B4GALT6: variants seen among roughly 807,000 people sequenced by gnomAD.
The protein encoded by B4GALT6 is UDP-Gal:beta-GlcNAc beta-1,4-galactosyltransferase 6.
A neutral mutation model predicts 46.3 loss-of-function variants in B4GALT6; 14 were observed. That is an observed-to-expected ratio of 0.30 (90% CI 0.20 to 0.47). The LOEUF (loss-of-function observed/expected upper bound fraction) is 0.47, where lower values mean the gene tolerates loss of function less well. B4GALT6 is among the 20% of genes least tolerant of loss of function. The probability of loss-of-function intolerance (pLI) is 0.99; values close to 1 mark genes in which losing one functional copy is unlikely to be tolerated. For synonymous variants in B4GALT6, 168 were observed against 162.0 expected (o/e 1.04, Z -0.28); for missense variants, 386 against 480.1 (o/e 0.80, Z 1.83).
chr18:31,706,601 T>G, the B4GALT6 span, among the ~76,000 whole-genome samples: 1 of 151,826 alleles, frequency 6.6e-6, no homozygotes, highest in South Asian at 2.1e-4. Context: ...ACTGCACTCC[T>G]CCAGCCTGGG....
chr18:31,701,305 T>C, the B4GALT6 span, among the ~76,000 whole-genome samples: 1 of 152,210 alleles, frequency 6.6e-6, no homozygotes, highest in Non-Finnish European at 1.5e-5. Context: ...TTGCTCCTGC[T>C]CTGGCCATGT....
At chr18:31,653,435 CTTTTTTTTTTTTT>C (rs5823819) in intron 3 of B4GALT6, among the ~76,000 whole-genome samples, 36 of 74,168 alleles carry the variant, frequency 4.9e-4, no homozygotes, top group African/African-American at 1.8e-3. Context: ...AACCTTTTTT[CTTTTTTTTTTTTT>C]TTTTTTTTTT....
the B4GALT6 span, among the ~76,000 whole-genome samples, chr18:31,694,772 T>A: frequency 6.6e-6 from 1 of 152,184 alleles, no homozygotes; most frequent in Admixed American, 6.5e-5. Flanking sequence ...AATATCACTT[T>A]ACCAACATGA....
At chr18:31,717,407 AT>A in the B4GALT6 span, among the ~76,000 whole-genome samples, 1 of 152,210 alleles carries the variant, frequency 6.6e-6, no homozygotes, top group Non-Finnish European at 1.5e-5. Flanking sequence ...GCAAATGTCT[AT>A]ATTTTGATTT....
intron 3 of B4GALT6, among the ~76,000 whole-genome samples, chr18:31,647,590 G>A (rs1424654009): frequency 1.3e-5 from 2 of 152,178 alleles, no homozygotes; most frequent in African/African-American, 4.8e-5. Flanking sequence ...CTGGTGGCAT[G>A]CTACCCATGA....
the B4GALT6 span, among the ~76,000 whole-genome samples, chr18:31,712,051 A>G: frequency 6.6e-6 from 1 of 152,120 alleles, no homozygotes; most frequent in African/African-American, 2.4e-5. Context: ...TTGTTTTCTA[A>G]GCACTTTTCT....
intron 2 of B4GALT6, among the ~76,000 whole-genome samples, chr18:31,665,725 G>C (rs2074274757): frequency 6.6e-6 from 1 of 152,180 alleles, no homozygotes; most frequent in South Asian, 2.1e-4. Context: ...CTGGGCAACA[G>C]AGCGAGACTC....
At chr18:31,685,186 C>T (rs1343864094), upstream of B4GALT6, among the ~76,000 whole-genome samples, 1 of 149,602 alleles carries the variant, frequency 6.7e-6, no homozygotes, top group Non-Finnish European at 1.5e-5. Flanking sequence ...CTCCGGCCGC[C>T]GCCAGCTGCC....
chr18:31,702,711 G>T, the B4GALT6 span, among the ~76,000 whole-genome samples: 7 of 152,340 alleles, frequency 4.6e-5, no homozygotes, highest in East Asian at 9.6e-4. Context: ...TGGAAGAAGA[G>T]AGTAGCTGGA....
chr18:31,690,882 CA>C, the B4GALT6 span, among the ~76,000 whole-genome samples: 1 of 152,124 alleles, frequency 6.6e-6, no homozygotes, highest in South Asian at 2.1e-4. Flanking sequence ...TCATTCTCAG[CA>C]AACTAACACA....
At position 31,624,915 on chromosome 18, in the gene B4GALT6, T is replaced by C. The variant is rs2073668449; in HGVS notation, c.*699A>G. 1 of 152,594 alleles carries C rather than the reference T, an allele frequency of 6.6e-6. No homozygotes were observed. The highest frequency in any genetic ancestry group is 2.1e-4 in the South Asian group (1 of 4,828). The allele number at this position is 152,594 out of a possible 1,614,324, so 9.5% of individuals were successfully genotyped here. On this transcript the variant is annotated 3_prime_UTR_variant, in exon 9 of 9. Coordinates refer to ENST00000306851, the MANE Select transcript of B4GALT6 (RefSeq NM_004775.5). ...AATATGGTTGTGATTTCTAGCAAAA[T>C]CAGATGAGATTGCAAGCAAGGAAAA...
chr18:31,654,532 T>G (rs2144631267), intron 3 of B4GALT6, among the ~76,000 whole-genome samples: 1 of 152,364 alleles, frequency 6.6e-6, no homozygotes, highest in Non-Finnish European at 1.5e-5. Flanking sequence ...TATGAAACAC[T>G]GCTGAAATGT....
At chr18:31,630,100 G>A (rs1451572609) in intron 6 of B4GALT6, among the ~76,000 whole-genome samples, 2 of 147,374 alleles carry the variant, frequency 1.4e-5, no homozygotes, top group African/African-American at 5.0e-5. Context: ...GGGGGAAGGA[G>A]GGGAGCGGGA....
the B4GALT6 span, among the ~76,000 whole-genome samples, chr18:31,698,037 G>A: frequency 2.0e-5 from 3 of 152,056 alleles, no homozygotes; most frequent in Non-Finnish European, 4.4e-5. Flanking sequence ...TCTGACTATT[G>A]CTTTCCCCTC....
intron 1 of B4GALT6, among the ~76,000 whole-genome samples, chr18:31,676,798 G>A (rs960902247): frequency 6.6e-6 from 1 of 152,034 alleles, no homozygotes; most frequent in Non-Finnish European, 1.5e-5. Context: ...GAAACATCTG[G>A]GTACGTGTTA....
At chr18:31,668,515 C>T (rs2852319) in intron 1 of B4GALT6, among the ~76,000 whole-genome samples, 106,092 of 152,014 alleles carry the variant, frequency 0.7, 37,307 homozygotes, top group South Asian at 0.8. Context: ...AACTTATTCA[C>T]ACAATTTAAA....
At chr18:31,649,516 G>C (rs932358383) in intron 3 of B4GALT6, among the ~76,000 whole-genome samples, 2 of 128,798 alleles carry the variant, frequency 1.6e-5, no homozygotes, top group Non-Finnish European at 3.2e-5. Context: ...CTAATATCCA[G>C]AATCTATAAG....
At chr18:31,644,212 C>T (rs1392032574) in intron 4 of B4GALT6, among the ~76,000 whole-genome samples, 1 of 152,186 alleles carries the variant, frequency 6.6e-6, no homozygotes, top group Admixed American at 6.5e-5. Flanking sequence ...GAAAGCTGAC[C>T]ATTTATTGAA....
At chr18:31,712,381 C>A in the B4GALT6 span, among the ~76,000 whole-genome samples, 15 of 143,020 alleles carry the variant, frequency 1.0e-4, no homozygotes, top group East Asian at 3.1e-3. Context: ...TGGCTCATTG[C>A]AACCTACACT....
Sources: gnomAD v4.1 joint callset for allele counts (sites outside exome capture counted in the v4.1 genomes callset) on GRCh38, gnomAD v4.1.1 for gene constraint, MANE v1.5 for transcripts, NCBI Gene and HGNC (gene_info 2026-07-23, HGNC 2026-07-21) for gene names.